Variants in IL13RA1 observed in about 807,000 individuals in gnomAD.
IL13RA1 encodes the protein interleukin-13 receptor subunit alpha-1.
IL13RA1 carries 14 observed loss-of-function variants against 33.8 expected under a neutral mutation model. That is an observed-to-expected ratio of 0.41 (90% CI 0.27 to 0.65). The LOEUF is 0.65. Among genes scored for constraint, IL13RA1 ranks in the 30% least tolerant of loss-of-function variants. The probability of loss-of-function intolerance (pLI) is 0.28; values close to 1 mark genes in which losing one functional copy is unlikely to be tolerated. For missense variants in IL13RA1, 313 were observed against 327.0 expected, an observed-to-expected ratio of 0.96 and a Z score of 0.33; for synonymous variants, 116 against 115.7, an observed-to-expected ratio of 1.00 and a Z score of -0.02.
At chrX:118,740,422 C>T (rs2017329419) in intron 1 of IL13RA1, among the ~76,000 whole-genome samples, 1 of 112,420 alleles carries the variant, frequency 8.9e-6, no homozygotes, top group Non-Finnish European at 1.9e-5. Flanking sequence ...ACTCCCAGCT[C>T]TGCCGTTTAC....
At chrX:118,733,829 T>C (rs963533168) in intron 1 of IL13RA1, among the ~76,000 whole-genome samples, 1 of 111,890 alleles carries the variant, frequency 8.9e-6, no homozygotes, top group African/African-American at 3.2e-5. Context: ...ATTTCATTCT[T>C]TTTCATATGG....
chrX:118,727,839 T>A (rs2017171541), intron 1 of IL13RA1, 113 bp downstream of exon 1: 2 of 283,037 alleles, frequency 7.1e-6, no homozygotes, highest in Non-Finnish European at 1.1e-5. Flanking sequence ...CTGGGGTGGG[T>A]GCTGGGGGCT....
chrX:118,791,639 A>C lies in IL13RA1; in HGVS notation c.1192-123A>C, dbSNP rs193034968. On this transcript the variant is annotated intron_variant, in intron 10 of 10. Coordinates refer to ENST00000371666, the MANE Select transcript of IL13RA1 (RefSeq NM_001560.3). The stretch of plus-strand genomic sequence containing the variant: ...CTTAGGTCAAAAAAAAAAAAAAAAC[A>C]GGAAATCATACCCCTACGGTTCCAT... The C allele has an allele frequency of 2.9e-3, 922 of 318,975 alleles. 14 individuals carry two copies. The South Asian group carries it at 0.035, about 12-fold the overall frequency. 26.3% of individuals were successfully genotyped at this position (318,975 alleles called of 1,213,427 possible).
intron 2 of IL13RA1, among the ~76,000 whole-genome samples, chrX:118,743,647 T>C (rs2017371146): frequency 8.9e-6 from 1 of 111,902 alleles, no homozygotes; most frequent in Non-Finnish European, 1.9e-5. Context: ...AGAAAGGAAT[T>C]CTGGAGTTGA....
At chrX:118,774,880 A>G (rs926993433) in intron 9 of IL13RA1, among the ~76,000 whole-genome samples, 4 of 111,512 alleles carry the variant, frequency 3.6e-5, no homozygotes, top group African/African-American at 6.5e-5. Flanking sequence ...TTCAACATAT[A>G]TATATACTCT....
At chrX:118,746,320 G>T (rs2017404062) in intron 2 of IL13RA1, among the ~76,000 whole-genome samples, 2 of 110,389 alleles carry the variant, frequency 1.8e-5, no homozygotes, top group South Asian at 3.9e-4. Context: ...TTGCCATTTT[G>T]CCCAGGCTGG....
intron 1 of IL13RA1, among the ~76,000 whole-genome samples, chrX:118,732,420 T>C (rs898387056): frequency 8.2e-5 from 9 of 110,317 alleles, no homozygotes; most frequent in African/African-American, 3.0e-4. Flanking sequence ...ATATATTTAT[T>C]ATACCTTAAG....
At chrX:118,803,962 C>CT in the IL13RA1 span, among the ~76,000 whole-genome samples, 115 of 62,151 alleles carry the variant, frequency 1.9e-3, 1 homozygote, top group African/African-American at 4.5e-3. Context: ...TTCTTTCTTT[C>CT]TTTTTTTTTT....
At position 118,749,672 on chromosome X, in the gene IL13RA1, G is replaced by A. The variant is rs1181435777; in HGVS notation, c.382G>A (p.Ala128Thr). Residue 128 changes from alanine (A) to threonine (T), a missense_variant, in exon 4 of 11, where the codon GCT becomes ACT. Physicochemically the swap from Ala to Thr is moderately conservative, Grantham distance 58. Coordinates refer to ENST00000371666, the MANE Select transcript of IL13RA1 (RefSeq NM_001560.3). ...ISPPEGDPES[A>T]VTELQCIWHN... ...GGATATTCTAGGTGATCCTGAGTCTGCTGTGACTGAGCTTCAATGCATTTG... is the reference window on the plus strand; with the variant it reads ...GGATATTCTAGGTGATCCTGAGTCTACTGTGACTGAGCTTCAATGCATTTG... 4.1e-6 allele frequency: 5 copies of A among 1,206,617 alleles called. No individual in the cohort carries two copies. In the South Asian group the frequency reaches 8.8e-5, roughly 21 times the overall value.
At position 118,793,328 on chromosome X, in the gene IL13RA1, A is replaced by G. The variant is rs1421387512; in HGVS notation, c.*1474A>G. ...ATGAGGTGGTATCTTCACGTAGAAC[A>G]TTGGTATTCGCTTGAGAAAAAAAGA... On this transcript the variant is annotated 3_prime_UTR_variant, in exon 11 of 11. Coordinates refer to ENST00000371666, the MANE Select transcript of IL13RA1 (RefSeq NM_001560.3). 2 of 112,480 alleles carry G rather than the reference A, an allele frequency of 1.8e-5. No homozygotes were observed. Among genetic ancestry groups the G allele is most frequent in the Admixed American group, 9.4e-5 (1 of 10,600 alleles). 9.3% of individuals were successfully genotyped at this position (112,480 alleles called of 1,213,427 possible). A position where few individuals can be genotyped will look rare whatever the true frequency, so the allele number is the denominator to read the frequency against.
chrX:118,796,949 G>C (rs953870998), downstream of IL13RA1, among the ~76,000 whole-genome samples: 3 of 112,774 alleles, frequency 2.7e-5, no homozygotes, highest in East Asian at 5.5e-4. Flanking sequence ...CAGGTGGTTA[G>C]TTAAGGGAAG....
At chrX:118,732,383 T>C (rs1294982216) in intron 1 of IL13RA1, among the ~76,000 whole-genome samples, 4 of 104,085 alleles carry the variant, frequency 3.8e-5, no homozygotes, top group Admixed American at 2.3e-4. Context: ...TGTCAGAATT[T>C]TTCCTTTTTT....
chrX:118,771,825 T>G (rs1052427801), intron 8 of IL13RA1, among the ~76,000 whole-genome samples: 1 of 111,051 alleles, frequency 9.0e-6, no homozygotes, highest in African/African-American at 3.3e-5. Context: ...AATATAAAAA[T>G]AAGCTGGGCA....
At chrX:118,741,643 T>C (rs754128875) in intron 2 of IL13RA1, among the ~76,000 whole-genome samples, 1 of 112,028 alleles carries the variant, frequency 8.9e-6, no homozygotes, top group East Asian at 2.8e-4. Flanking sequence ...GGTTCTGTAA[T>C]GCCCGCGGAA....
chrX:118,783,882 C>A (rs2017873354), intron 10 of IL13RA1, among the ~76,000 whole-genome samples: 1 of 101,491 alleles, frequency 9.9e-6, no homozygotes, highest in Admixed American at 1.1e-4. Flanking sequence ...AGTTCGAGAC[C>A]AACCTGGCCA....
chrX:118,728,480 G>A (rs182725570), intron 1 of IL13RA1, among the ~76,000 whole-genome samples: 1 of 111,913 alleles, frequency 8.9e-6, no homozygotes, highest in East Asian at 2.8e-4. Flanking sequence ...ACCCTGTTTG[G>A]TAACTTCTAG....
rs769969719 is a variant in IL13RA1 at position 118,747,032 on chromosome X, A to G, written c.307A>G (p.Ser103Gly). Residue 103 changes from serine (S) to glycine (G), a missense_variant, in exon 3 of 11, where the codon AGC becomes GGC. Ser to Gly is a moderately conservative substitution (Grantham distance 56). Transcript: ENST00000371666. Reference protein sequence around the residue: ...RICLQVGSQCSTNESEKPSIL... With the variant: ...RICLQVGSQCGTNESEKPSIL... ...TTGTCTGCAAGTGGGGTCCCAGTGT[A>G]GCACCAATGAGAGTGAGAAGCCTAG... 8.6e-7 allele frequency: 1 copy of G among 1,157,489 alleles called. No homozygotes were observed. The highest frequency in any genetic ancestry group is 1.2e-6 in the Non-Finnish European group (1 of 846,695).
chrX:118,749,196 G>A (rs1237303031), intron 3 of IL13RA1, among the ~76,000 whole-genome samples: 1 of 112,232 alleles, frequency 8.9e-6, no homozygotes, highest in Admixed American at 9.5e-5. Context: ...GAATACAGGC[G>A]TGAGCCACCC....
At chrX:118,763,822 C>CT (rs33970018) in intron 6 of IL13RA1, among the ~76,000 whole-genome samples, 20,073 of 102,429 alleles carry the variant, frequency 0.2, 1,751 homozygotes, top group East Asian at 0.4. Context: ...AATTGAGTTA[C>CT]TTTTTTTTTT....
Sources: allele counts gnomAD v4.1 joint callset (sites outside exome capture counted in the v4.1 genomes callset), GRCh38; gene constraint gnomAD v4.1.1; transcripts MANE v1.5; gene names NCBI Gene and HGNC (gene_info 2026-07-23, HGNC 2026-07-21).